Variants in BSPRY observed in about 807,000 individuals in gnomAD.
BSPRY encodes B-box and SPRY domain containing, also known as B box and SPRY domain-containing protein.
BSPRY carries 33 observed loss-of-function variants against 38.0 expected under a neutral mutation model. The observed-to-expected ratio is 0.87, with a 90% CI of 0.66 to 1.16. BSPRY has a LOEUF of 1.16. Ranked by LOEUF, BSPRY falls within the 50% of genes most tolerant of loss-of-function variation. The pLI, the probability that BSPRY is intolerant of heterozygous loss-of-function variation, is 0.00. For synonymous variants in BSPRY, 224 were observed against 228.5 expected (o/e 0.98, Z 0.18); for missense variants, 523 against 533.2 (o/e 0.98, Z 0.19).
chr9:113,364,133 C>T (rs1834205446), intron 4 of BSPRY, among the ~76,000 whole-genome samples: 1 of 151,968 alleles, frequency 6.6e-6, no homozygotes, highest in Admixed American at 6.6e-5. Context: ...TTATAGTGAG[C>T]TGAGAGCCTG....
At chr9:113,362,225 A>G (rs1313320855) in intron 3 of BSPRY, 144 bp from the exon 4 acceptor site, 5 of 672,674 alleles carry the variant, frequency 7.4e-6, no homozygotes, top group Non-Finnish European at 1.3e-5. Flanking sequence ...AGAATAGCCT[A>G]GAAAGCTTTA....
intron 1 of BSPRY, among the ~76,000 whole-genome samples, chr9:113,351,695 C>T (rs906581746): frequency 6.6e-6 from 1 of 152,138 alleles, no homozygotes; most frequent in Admixed American, 6.5e-5. Flanking sequence ...CCTGGAGAAA[C>T]GGAGAGCAAA....
At chr9:113,360,846 C>A in intron 3 of BSPRY, 109 bp downstream of exon 3, 1 of 952,408 alleles carries the variant, frequency 1.0e-6, no homozygotes, top group Non-Finnish European at 1.6e-6. Flanking sequence ...GAATTTGGAG[C>A]AGGGATGAGT....
At chr9:113,357,372 A>G (rs1834077351) in intron 2 of BSPRY, among the ~76,000 whole-genome samples, 2 of 152,190 alleles carry the variant, frequency 1.3e-5, no homozygotes, top group African/African-American at 4.8e-5. Flanking sequence ...ACCCTTTCCT[A>G]TCCCCTTGTA....
At chr9:113,369,527 AGTGAGTG>A in intron 5 of BSPRY, 82 bp from the exon 6 acceptor site, 1 of 1,318,698 alleles carries the variant, frequency 7.6e-7, no homozygotes, top group Non-Finnish European at 1.0e-6. Context: ...TCACCATGCT[AGTGAGTG>A]GTGAGGAACC....
intron 4 of BSPRY, among the ~76,000 whole-genome samples, chr9:113,367,685 C>A (rs543705607): frequency 6.6e-6 from 1 of 152,184 alleles, no homozygotes; most frequent in Non-Finnish European, 1.5e-5. Flanking sequence ...GCAGAGCACA[C>A]CACCTTCAAT....
Position 113,362,489 on chromosome 9 carries a change from T to C in BSPRY, c.557+95T>C, listed in dbSNP as rs1010784321. 14 of 1,340,254 alleles carry C rather than the reference T, an allele frequency of 1.0e-5. No individual in the cohort carries two copies. In the Admixed American group the frequency reaches 2.2e-4, roughly 21 times the overall value. 83.0% of individuals were successfully genotyped at this position (1,340,254 alleles called of 1,614,324 possible). On this transcript the variant is annotated intron_variant, in intron 4 of 5. Coordinates refer to ENST00000374183, the MANE Select transcript of BSPRY (RefSeq NM_017688.3). ...TTCAGCCCTGCTGCTCTTGGGAGAA[T>C]GCACAGGGTGTGCAGCTGAGTGGCT... is the stretch of plus-strand genomic sequence containing the variant.
intron 3 of BSPRY, among the ~76,000 whole-genome samples, 195 bp from the exon 4 acceptor site, chr9:113,362,174 G>GGGGTGTGTGTGTGTGTGTGTGT (rs1554734197): frequency 7.1e-6 from 1 of 141,248 alleles, no homozygotes; most frequent in East Asian, 2.1e-4. Context: ...ATGTGTTATG[G>GGGGTGTGTGTGTGTGTGTGTGT]GTGTGTGTGT....
chr9:113,352,193 G>T (rs577111243), intron 1 of BSPRY, among the ~76,000 whole-genome samples: 1 of 152,160 alleles, frequency 6.6e-6, no homozygotes, highest in Non-Finnish European at 1.5e-5. Flanking sequence ...ACCTCTTGTG[G>T]TCAAGGCAGT....
chr9:113,362,951 T>C (rs1834178505), intron 4 of BSPRY, among the ~76,000 whole-genome samples: 1 of 152,228 alleles, frequency 6.6e-6, no homozygotes, highest in African/African-American at 2.4e-5. Context: ...GAGGACATAA[T>C]TTGCCAGGCA....
intron 4 of BSPRY, among the ~76,000 whole-genome samples, chr9:113,362,872 A>G (rs1834177058): frequency 6.6e-6 from 1 of 152,196 alleles, no homozygotes; most frequent in Admixed American, 6.5e-5. Context: ...TTAGCTCTTC[A>G]GTAATAAAAG....
chr9:113,368,114 G>A (rs1834280298), intron 4 of BSPRY, 145 bp from the exon 5 acceptor site: 1 of 981,708 alleles, frequency 1.0e-6, no homozygotes, highest in Non-Finnish European at 1.5e-6. Flanking sequence ...GGTCACAGGG[G>A]TGAGCCACTG....
intron 2 of BSPRY, among the ~76,000 whole-genome samples, chr9:113,357,466 C>G (rs1476873619): frequency 1.3e-5 from 2 of 152,130 alleles, no homozygotes; most frequent in African/African-American, 4.8e-5. Context: ...TGCTTGTATG[C>G]TCAGGAGTGA....
At chr9:113,368,108 A>T (rs909199214) in intron 4 of BSPRY, 151 bp from the exon 5 acceptor site, 3 of 937,088 alleles carry the variant, frequency 3.2e-6, no homozygotes, top group Admixed American at 2.2e-5. Context: ...TGCTAGGGTC[A>T]CAGGGGTGAG....
rs1236365625 is a variant in BSPRY at position 113,349,576 on chromosome 9, G to T, written c.-4G>T. ...GGTGGAGCGCACGGGGCGGGCGCAC[G>T]GCCATGTCCGCCGAGGGCGCGGAGC... On this transcript the variant is annotated 5_prime_UTR_variant, in exon 1 of 6. Transcript: ENST00000374183. The T allele has an allele frequency of 1.9e-5, 22 of 1,159,730 alleles. No individual in the cohort carries two copies. Among genetic ancestry groups the T allele is most frequent in the Non-Finnish European group, 2.2e-5 (21 of 942,552 alleles). 71.8% of individuals were successfully genotyped at this position (1,159,730 alleles called of 1,614,324 possible).
chr9:113,354,203 A>G (rs10981762), intron 1 of BSPRY, 37 bp from the exon 2 acceptor site: 848,967 of 1,572,830 alleles, frequency 0.54, 231,908 homozygotes, highest in South Asian at 0.63. Context: ...GCTCAGGTAC[A>G]TGGACCAAGA....
intron 5 of BSPRY, 23 bp from the exon 6 acceptor site, chr9:113,369,593 A>C (rs3827661): frequency 0.14 from 216,908 of 1,585,504 alleles, 17,041 homozygotes; most frequent in East Asian, 0.34. Flanking sequence ...GCCCTCGGCA[A>C]CTCTGAGAAT....
intron 4 of BSPRY, among the ~76,000 whole-genome samples, chr9:113,364,674 T>C (rs1834217114): frequency 1.3e-5 from 2 of 152,092 alleles, no homozygotes; most frequent in Admixed American, 1.3e-4. Flanking sequence ...AGTATATATG[T>C]TAGAAACTTA....
Position 113,370,178 on chromosome 9 carries a change from A to G in BSPRY, c.*36A>G. 6.6e-7 allele frequency: 1 copy of G among 1,518,566 alleles called. No individual in the cohort carries two copies. Among genetic ancestry groups the G allele is most frequent in the Admixed American group, 2.2e-5 (1 of 45,822 alleles). 94.1% of individuals were successfully genotyped at this position (1,518,566 alleles called of 1,614,324 possible). A position where few individuals can be genotyped will look rare whatever the true frequency, so the allele number is the denominator to read the frequency against. ...CAGGAAGCCAGGTCCACCGCCCACCACCCTTTCAGGCCATGTTTCTACTCA... is the reference window on the plus strand; with the variant it reads ...CAGGAAGCCAGGTCCACCGCCCACCGCCCTTTCAGGCCATGTTTCTACTCA... On this transcript the variant is annotated 3_prime_UTR_variant, in exon 6 of 6. Transcript: ENST00000374183. This position sits in a 1 kb window ranked among gnomAD's most constrained non-coding sequence, Gnocchi z 4.8.
Sources: allele counts gnomAD v4.1 joint callset (sites outside exome capture counted in the v4.1 genomes callset), GRCh38; gene constraint gnomAD v4.1.1; non-coding constraint Gnocchi (gnomAD v3.1); transcripts MANE v1.5; gene names NCBI Gene and HGNC (gene_info 2026-07-23, HGNC 2026-07-21).